The following FHOD3 variants were observed in gnomAD, a reference collection of about 807,000 sequenced individuals.
FHOD3 encodes FH1/FH2 domain-containing protein 3.
In FHOD3, 90 loss-of-function variants were observed where a neutral mutation model predicts 173.0. The observed-to-expected ratio is 0.52, with a 90% confidence interval of 0.44 to 0.62. The LOEUF is 0.62. FHOD3 is among the 20% of genes least tolerant of loss of function. The pLI is 0.00. For synonymous variants in FHOD3, 828 were observed against 823.0 expected (o/e 1.01, Z -0.10); for missense variants, 1,945 against 2,034.7 (o/e 0.96, Z 0.85).
At chr18:36,712,056 C>T (rs1340947498) in intron 18 of FHOD3, among the ~76,000 whole-genome samples, 1 of 152,188 alleles carries the variant, frequency 6.6e-6, no homozygotes, top group Non-Finnish European at 1.5e-5. Context: ...TGTGAGTCAG[C>T]GCTCTTGCTG....
At chr18:36,766,697 C>T (rs2043153284) in intron 27 of FHOD3, among the ~76,000 whole-genome samples, 1 of 152,172 alleles carries the variant, frequency 6.6e-6, no homozygotes, top group Non-Finnish European at 1.5e-5. Context: ...AGTTGACAAT[C>T]TTGGACCTAG....
At chr18:36,528,275 T>G (rs898758579) in intron 5 of FHOD3, among the ~76,000 whole-genome samples, 4 of 152,174 alleles carry the variant, frequency 2.6e-5, no homozygotes, top group African/African-American at 7.2e-5. Flanking sequence ...CCAGAGGCTG[T>G]CTGTGCATGT....
intron 5 of FHOD3, among the ~76,000 whole-genome samples, chr18:36,561,991 GTAT>G (rs1187331677): frequency 2.6e-5 from 4 of 151,232 alleles, no homozygotes; most frequent in Non-Finnish European, 5.9e-5. Context: ...GTATTGTATT[GTAT>G]TGTATTGTAT....
intron 10 of FHOD3, among the ~76,000 whole-genome samples, chr18:36,627,718 C>T (rs2034216425): frequency 6.6e-6 from 1 of 152,012 alleles, no homozygotes; most frequent in African/African-American, 2.4e-5. Context: ...TGCCTGTGGC[C>T]CCAAAGTGAC....
intron 3 of FHOD3, among the ~76,000 whole-genome samples, chr18:36,378,596 C>CA (rs764259858): frequency 0.53 from 58,341 of 110,986 alleles, 15,505 homozygotes; most frequent in Non-Finnish European, 0.59. Flanking sequence ...CCCTCTGCCA[C>CA]AAAAAAAAAA....
intron 23 of FHOD3, among the ~76,000 whole-genome samples, chr18:36,744,613 G>A (rs1422769658): frequency 2.0e-5 from 3 of 152,222 alleles, no homozygotes; most frequent in Non-Finnish European, 4.4e-5. Flanking sequence ...AGAAAACAGG[G>A]CCCTCCCGGC....
intron 5 of FHOD3, among the ~76,000 whole-genome samples, chr18:36,517,074 T>C (rs559525446): frequency 6.6e-6 from 1 of 152,306 alleles, no homozygotes; most frequent in East Asian, 1.9e-4. Flanking sequence ...AGTTACAGTG[T>C]AGGCAAGTGC....
At chr18:36,413,305 C>T (rs1042614727) in intron 3 of FHOD3, among the ~76,000 whole-genome samples, 1 of 152,190 alleles carries the variant, frequency 6.6e-6, no homozygotes, top group African/African-American at 2.4e-5. Context: ...GTGTTCAGCT[C>T]CATCTCCAGA....
chr18:36,683,584 G>C (rs763168229), intron 15 of FHOD3, among the ~76,000 whole-genome samples: 34 of 152,168 alleles, frequency 2.2e-4, no homozygotes, highest in Non-Finnish European at 5.9e-5. Flanking sequence ...GTACTCAAAG[G>C]CACCCAAACC....
At chr18:36,477,921 A>G (rs2053680975) in intron 3 of FHOD3, among the ~76,000 whole-genome samples, 1 of 152,164 alleles carries the variant, frequency 6.6e-6, no homozygotes, top group Non-Finnish European at 1.5e-5. Flanking sequence ...GCAGTGCTGA[A>G]AGGACTGCAG....
chr18:36,434,853 T>G (rs765027692), intron 3 of FHOD3, among the ~76,000 whole-genome samples: 3 of 152,078 alleles, frequency 2.0e-5, no homozygotes, highest in African/African-American at 2.4e-5. Context: ...TGCTCATATA[T>G]AGAAATAAAA....
chr18:36,347,033 G>A (rs116553638), intron 1 of FHOD3, among the ~76,000 whole-genome samples: 2,008 of 152,304 alleles, frequency 0.013, 31 homozygotes, highest in African/African-American at 0.045. Flanking sequence ...TCAGGACACA[G>A]TGTAGTGTGT....
At chr18:36,353,116 G>C (rs1246797922) in intron 1 of FHOD3, among the ~76,000 whole-genome samples, 2 of 152,240 alleles carry the variant, frequency 1.3e-5, no homozygotes, top group South Asian at 2.1e-4. Flanking sequence ...AGTACAGACA[G>C]GTTGGCCAGT....
At chr18:36,364,449 A>G (rs1452019849) in intron 2 of FHOD3, among the ~76,000 whole-genome samples, 1 of 152,160 alleles carries the variant, frequency 6.6e-6, no homozygotes, top group African/African-American at 2.4e-5. Flanking sequence ...TTTTGGCCAG[A>G]CGCTCGAGGG....
intron 5 of FHOD3, among the ~76,000 whole-genome samples, chr18:36,518,551 C>A (rs557314251): frequency 2.6e-5 from 4 of 152,266 alleles, no homozygotes; most frequent in Admixed American, 2.6e-4. Flanking sequence ...ATCACTGCAG[C>A]GTAAGCAGAC....
intron 14 of FHOD3, among the ~76,000 whole-genome samples, chr18:36,661,778 A>C (rs1177043284): frequency 6.6e-6 from 1 of 152,224 alleles, no homozygotes; most frequent in East Asian, 1.9e-4. Flanking sequence ...ATGGAAAATT[A>C]AGTCAAGGAT....
At chr18:36,449,839 C>G (rs2051720038) in intron 3 of FHOD3, among the ~76,000 whole-genome samples, 3 of 152,016 alleles carry the variant, frequency 2.0e-5, no homozygotes, top group South Asian at 4.2e-4. Flanking sequence ...GGTGAATGAA[C>G]ACTAAAAATT....
chr18:36,463,941 A>G (rs563842963), intron 3 of FHOD3, among the ~76,000 whole-genome samples: 14 of 152,358 alleles, frequency 9.2e-5, no homozygotes, highest in Admixed American at 3.3e-4. Flanking sequence ...CTGTTAAATA[A>G]TAAAATACTC....
intron 10 of FHOD3, among the ~76,000 whole-genome samples, chr18:36,639,469 A>G (rs1050339308): frequency 2.0e-5 from 3 of 152,138 alleles, no homozygotes; most frequent in Admixed American, 6.5e-5. Flanking sequence ...TCAGGAGATC[A>G]AGACCATGGT....
Sources: gnomAD v4.1 joint callset for allele counts (sites outside exome capture counted in the v4.1 genomes callset) on GRCh38, gnomAD v4.1.1 for gene constraint, MANE v1.5 for transcripts, NCBI Gene and HGNC (gene_info 2026-07-23, HGNC 2026-07-21) for gene names.